Variants in DMD observed in about 807,000 individuals in gnomAD.
DMD encodes the protein mutant dystrophin.
Under a neutral mutation model 330.1 loss-of-function variants are expected in DMD, and 63 were observed. That is an observed-to-expected ratio of 0.19 (90% confidence interval 0.16 to 0.24). DMD has a LOEUF of 0.24. Among genes scored for constraint, DMD ranks in the 10% least tolerant of loss-of-function variants. The pLI is 1.00. For synonymous variants in DMD, 1,223 were observed against 959.8 expected, an observed-to-expected ratio of 1.27 and a Z score of -5.07; for missense variants, 3,344 against 2,684.1, an observed-to-expected ratio of 1.25 and a Z score of -5.43.
intron 43 of DMD, among the ~76,000 whole-genome samples, chrX:32,238,843 G>T (rs780683381): frequency 9.0e-6 from 1 of 111,596 alleles, no homozygotes; most frequent in Non-Finnish European, 1.9e-5. Context: ...CCTTGGTGTA[G>T]ATTTTTAGCT....
intron 43 of DMD, among the ~76,000 whole-genome samples, chrX:32,236,435 G>C (rs768272): frequency 9.0e-6 from 1 of 111,429 alleles, no homozygotes; most frequent in African/African-American, 3.3e-5. Flanking sequence ...GTTCCAGTCC[G>C]ATGGGAGTAC....
At chrX:32,238,475 A>AGAGAGAGAG (rs1569552520) in intron 43 of DMD, among the ~76,000 whole-genome samples, 3 of 100,166 alleles carry the variant, frequency 3.0e-5, no homozygotes, top group African/African-American at 1.1e-4. Flanking sequence ...GAGAGAGAGA[A>AGAGAGAGAG]AGAGAGACAC....
At chrX:31,125,779 T>C (rs2033563328) in intron 78 of DMD, among the ~76,000 whole-genome samples, 1 of 112,260 alleles carries the variant, frequency 8.9e-6, no homozygotes, top group African/African-American at 3.2e-5. Flanking sequence ...CCTATCCCTT[T>C]CAACCCATAA....
At chrX:31,363,159 G>A (rs916816587) in intron 60 of DMD, among the ~76,000 whole-genome samples, 6 of 111,211 alleles carry the variant, frequency 5.4e-5, no homozygotes, top group African/African-American at 1.3e-4. Flanking sequence ...GAATATTTAC[G>A]TTAATTCAAG....
intron 44 of DMD, among the ~76,000 whole-genome samples, chrX:32,070,558 G>A (rs182449969): frequency 9.9e-5 from 11 of 110,587 alleles, no homozygotes; most frequent in African/African-American, 2.3e-4. Context: ...CCCATCAATC[G>A]ACAAGTAGAT....
At chrX:31,932,254 T>A (rs746072693) in intron 45 of DMD, 27 bp from the exon 46 acceptor site, 2 of 1,101,949 alleles carry the variant, frequency 1.8e-6, no homozygotes, top group Non-Finnish European at 1.2e-6. Context: ...AAAATTGTTA[T>A]TTTTTTTTCC....
chrX:32,697,533 C>T (rs756228745), intron 9 of DMD, among the ~76,000 whole-genome samples: 92 of 112,040 alleles, frequency 8.2e-4, no homozygotes, highest in Non-Finnish European at 1.3e-3. Flanking sequence ...GATGTACCTA[C>T]ACTTTTCGAA....
chrX:32,032,543 G>A (rs543599158), intron 44 of DMD, among the ~76,000 whole-genome samples: 7 of 111,566 alleles, frequency 6.3e-5, no homozygotes, highest in African/African-American at 3.3e-5. Context: ...CATGGAAAGC[G>A]CTTAGATGTA....
At chrX:32,542,221 G>T (rs2048550337) in intron 17 of DMD, among the ~76,000 whole-genome samples, 1 of 111,425 alleles carries the variant, frequency 9.0e-6, no homozygotes, top group African/African-American at 3.3e-5. Context: ...ACGAGGTCAG[G>T]AGCTCAAGAC....
intron 1 of DMD, among the ~76,000 whole-genome samples, chrX:33,021,485 C>T (rs1165996136): frequency 9.0e-6 from 1 of 110,805 alleles, no homozygotes; most frequent in African/African-American, 3.3e-5. Flanking sequence ...TTAAAAGAAC[C>T]GTTATTAAAA....
chrX:31,183,020 A>C, intron 67 of DMD, 116 bp from the exon 68 acceptor site: 1 of 664,889 alleles, frequency 1.5e-6, no homozygotes, highest in Non-Finnish European at 2.3e-6. Context: ...AGATAGAAAG[A>C]ACAATGGTTG....
intron 18 of DMD, among the ~76,000 whole-genome samples, chrX:32,508,833 C>T (rs1224557831): frequency 1.8e-5 from 2 of 108,816 alleles, no homozygotes; most frequent in Non-Finnish European, 1.9e-5. Flanking sequence ...CTTTTTGAGA[C>T]GGAGTCTCGC....
intron 19 of DMD, among the ~76,000 whole-genome samples, chrX:32,493,804 G>A (rs2043229484): frequency 8.9e-6 from 1 of 111,918 alleles, no homozygotes; most frequent in Non-Finnish European, 1.9e-5. Flanking sequence ...TAAATGATCA[G>A]ATATTTAGGA....
intron 34 of DMD, among the ~76,000 whole-genome samples, chrX:32,366,741 A>G (rs892773734): frequency 1.8e-5 from 2 of 111,885 alleles, no homozygotes; most frequent in African/African-American, 6.5e-5. Flanking sequence ...CACTTCTCAT[A>G]CTTTCTGTTT....
chrX:32,959,947 G>C (rs2091810331), intron 2 of DMD, among the ~76,000 whole-genome samples: 1 of 111,561 alleles, frequency 9.0e-6, no homozygotes, highest in South Asian at 3.8e-4. Flanking sequence ...AAATCCATCA[G>C]ATTACCACTC....
At chrX:32,872,720 A>G (rs1307438226) in intron 2 of DMD, among the ~76,000 whole-genome samples, 1 of 112,207 alleles carries the variant, frequency 8.9e-6, no homozygotes, top group Non-Finnish European at 1.9e-5. Flanking sequence ...GAAGTAGGGG[A>G]AGTGGATGCT....
chrX:32,732,099 G>C (rs1314488364), intron 7 of DMD, among the ~76,000 whole-genome samples: 1 of 111,834 alleles, frequency 8.9e-6, no homozygotes, highest in Non-Finnish European at 1.9e-5. Context: ...CAAGGCTAGA[G>C]AAGTACGTGA....
At chrX:31,788,989 T>G (rs2091443193) in intron 50 of DMD, among the ~76,000 whole-genome samples, 1 of 111,213 alleles carries the variant, frequency 9.0e-6, no homozygotes. Flanking sequence ...GTGAGTCTCT[T>G]ATGGGCAGCA....
chrX:31,316,481 A>G (rs1480904607), intron 62 of DMD, among the ~76,000 whole-genome samples: 1 of 111,813 alleles, frequency 8.9e-6, no homozygotes, highest in Non-Finnish European at 1.9e-5. Context: ...ATGAAACTAC[A>G]AAAAAGGATG....
Sources: allele counts gnomAD v4.1 joint callset (sites outside exome capture counted in the v4.1 genomes callset), GRCh38; gene constraint gnomAD v4.1.1; transcripts MANE v1.5; gene names NCBI Gene and HGNC (gene_info 2026-07-23, HGNC 2026-07-21).